Variants in CLSTN2 observed in about 807,000 individuals in gnomAD.
CLSTN2 encodes calsyntenin-2.
Under a neutral mutation model 101.2 loss-of-function variants are expected in CLSTN2, and 48 were observed. The observed-to-expected ratio is 0.47, with a 90% CI of 0.38 to 0.60. The LOEUF is 0.60. CLSTN2 is among the 20% of genes least tolerant of loss of function. The pLI is 0.00. For missense variants in CLSTN2, 1,160 were observed against 1,238.2 expected (o/e 0.94, Z 0.95); for synonymous variants, 481 against 463.6 (o/e 1.04, Z -0.48).
At chr3:140,209,020 G>A (rs1207054864) in intron 2 of CLSTN2, among the ~76,000 whole-genome samples, 2 of 152,114 alleles carry the variant, frequency 1.3e-5, no homozygotes, top group East Asian at 3.9e-4. Flanking sequence ...AACCCCAAGT[G>A]TCCTCACATC....
chr3:140,270,066 T>C (rs1191988477), intron 2 of CLSTN2, among the ~76,000 whole-genome samples: 1 of 152,168 alleles, frequency 6.6e-6, no homozygotes, highest in Non-Finnish European at 1.5e-5. Flanking sequence ...TCAAAGCCAA[T>C]ATATGTAGTA....
intron 2 of CLSTN2, among the ~76,000 whole-genome samples, chr3:140,221,161 C>G (rs1345732410): frequency 6.6e-6 from 1 of 152,220 alleles, no homozygotes; most frequent in Non-Finnish European, 1.5e-5. Context: ...ATAGACACAG[C>G]AACCCATTGC....
intron 1 of CLSTN2, among the ~76,000 whole-genome samples, chr3:139,958,035 A>G (rs1166195656): frequency 6.6e-6 from 1 of 152,192 alleles, no homozygotes; most frequent in Non-Finnish European, 1.5e-5. Flanking sequence ...ATATTGATCC[A>G]TCCTGCAGAT....
At chr3:140,044,934 A>G (rs1355966387) in intron 1 of CLSTN2, among the ~76,000 whole-genome samples, 1 of 151,902 alleles carries the variant, frequency 6.6e-6, no homozygotes, top group Non-Finnish European at 1.5e-5. Flanking sequence ...CGGTTTGCCA[A>G]TATTTTATTG....
intron 2 of CLSTN2, among the ~76,000 whole-genome samples, chr3:140,396,650 A>G (rs1288360136): frequency 2.0e-5 from 3 of 152,196 alleles, no homozygotes; most frequent in Admixed American, 1.3e-4. Flanking sequence ...TAACTATTTC[A>G]TTCCAGCCCA....
intron 9 of CLSTN2, among the ~76,000 whole-genome samples, chr3:140,537,394 A>G (rs1333617757): frequency 6.6e-6 from 1 of 152,180 alleles, no homozygotes; most frequent in East Asian, 1.9e-4. Flanking sequence ...TGAAAAAAAA[A>G]TGGGACTTCA....
intron 2 of CLSTN2, among the ~76,000 whole-genome samples, chr3:140,374,588 T>A (rs988426391): frequency 6.6e-6 from 1 of 152,222 alleles, no homozygotes; most frequent in Non-Finnish European, 1.5e-5. Context: ...TTAAATAATA[T>A]GGTATTACAA....
intron 2 of CLSTN2, among the ~76,000 whole-genome samples, chr3:140,295,200 C>G (rs1219490066): frequency 6.6e-6 from 1 of 152,188 alleles, no homozygotes; most frequent in Non-Finnish European, 1.5e-5. Context: ...AGTATGATCA[C>G]ATGACCATAT....
intron 2 of CLSTN2, among the ~76,000 whole-genome samples, chr3:140,272,175 G>A (rs1003647639): frequency 6.6e-6 from 1 of 152,156 alleles, no homozygotes; most frequent in African/African-American, 2.4e-5. Flanking sequence ...AGAAGATCAT[G>A]TAGGGATATT....
At chr3:140,422,072 C>T (rs1041092856) in intron 5 of CLSTN2, among the ~76,000 whole-genome samples, 3 of 152,118 alleles carry the variant, frequency 2.0e-5, no homozygotes, top group Admixed American at 6.5e-5. Context: ...GTTGAAGATG[C>T]TGCAGGCTAT....
At chr3:140,276,872 C>A (rs2086799210) in intron 2 of CLSTN2, among the ~76,000 whole-genome samples, 1 of 152,128 alleles carries the variant, frequency 6.6e-6, no homozygotes, top group Non-Finnish European at 1.5e-5. Flanking sequence ...TCTGGGCTGC[C>A]TTTCACAAGC....
chr3:139,951,694 A>G (rs1460005502), intron 1 of CLSTN2, among the ~76,000 whole-genome samples: 1 of 152,146 alleles, frequency 6.6e-6, no homozygotes, highest in African/African-American at 2.4e-5. Context: ...ATGAAAAGCT[A>G]TGAATTGGGC....
chr3:140,112,719 G>A (rs559146639), intron 1 of CLSTN2, among the ~76,000 whole-genome samples: 122 of 152,132 alleles, frequency 8.0e-4, no homozygotes, highest in Admixed American at 2.1e-3. Flanking sequence ...GAGACTGCAC[G>A]TCTGACCTAG....
intron 1 of CLSTN2, among the ~76,000 whole-genome samples, chr3:140,169,249 G>T (rs1444717969): frequency 1.3e-5 from 2 of 151,962 alleles, no homozygotes; most frequent in Non-Finnish European, 2.9e-5. Context: ...TGTTTTTGAT[G>T]CTATTGTAAC....
intron 1 of CLSTN2, among the ~76,000 whole-genome samples, chr3:140,002,879 G>A (rs1175210424): frequency 6.6e-6 from 1 of 152,162 alleles, no homozygotes; most frequent in Non-Finnish European, 1.5e-5. Flanking sequence ...TTGTAGGTGT[G>A]TGGATTTGTT....
At chr3:140,247,824 C>T (rs1373051176) in intron 2 of CLSTN2, among the ~76,000 whole-genome samples, 1 of 152,190 alleles carries the variant, frequency 6.6e-6, no homozygotes, top group Non-Finnish European at 1.5e-5. Flanking sequence ...GGAGGGCTCC[C>T]TCATTCCTCA....
chr3:140,022,488 C>T (rs1027939695), intron 1 of CLSTN2, among the ~76,000 whole-genome samples: 3 of 152,208 alleles, frequency 2.0e-5, no homozygotes, highest in Non-Finnish European at 2.9e-5. Flanking sequence ...GGGAGAGCTG[C>T]GTGTGAGAGG....
intron 1 of CLSTN2, among the ~76,000 whole-genome samples, chr3:140,011,186 G>A (rs977483234): frequency 1.3e-5 from 2 of 152,198 alleles, no homozygotes; most frequent in African/African-American, 2.4e-5. Flanking sequence ...CTAGAAGCCT[G>A]GTTAGGGAGC....
At chr3:140,481,799 G>C (rs1221708612) in intron 8 of CLSTN2, among the ~76,000 whole-genome samples, 2 of 152,322 alleles carry the variant, frequency 1.3e-5, no homozygotes, top group Non-Finnish European at 2.9e-5. Context: ...CATTGATTTT[G>C]TATCCTGAGA....
Sources: allele counts gnomAD v4.1 joint callset (sites outside exome capture counted in the v4.1 genomes callset), GRCh38; gene constraint gnomAD v4.1.1; transcripts MANE v1.5; gene names NCBI Gene and HGNC (gene_info 2026-07-23, HGNC 2026-07-21).